PRKX: variants seen among roughly 807,000 people sequenced by gnomAD.
The protein encoded by PRKX is cAMP-dependent protein kinase catalytic subunit PRKX.
PRKX carries 12 observed loss-of-function variants against 22.0 expected under a neutral mutation model. That is an observed-to-expected ratio of 0.54 (90% CI 0.35 to 0.88). The LOEUF (loss-of-function observed/expected upper bound fraction) is 0.88. Ranked by LOEUF, PRKX falls within the 40% of genes least tolerant of loss-of-function variation. The pLI is 0.01. For synonymous variants in PRKX, 134 were observed against 137.7 expected (o/e 0.97, Z 0.19); for missense variants, 217 against 308.0 (o/e 0.70, Z 2.21).
At chrX:3,657,956 G>A (rs1232915086) in intron 2 of PRKX, among the ~76,000 whole-genome samples, 3 of 111,793 alleles carry the variant, frequency 2.7e-5, no homozygotes, top group Non-Finnish European at 5.6e-5. Flanking sequence ...GACGGGTGGG[G>A]TATGAGGCAA....
intron 4 of PRKX, among the ~76,000 whole-genome samples, chrX:3,638,468 G>T (rs747549444): frequency 1.1e-4 from 12 of 111,726 alleles, no homozygotes; most frequent in Non-Finnish European, 1.7e-4. Context: ...TGCTGCCCTC[G>T]TGTGGTCAGT....
rs1250517645 is a variant in PRKX at position 3,607,380 on chromosome X, C to T, written c.*1589G>A. 1 of 111,755 alleles carries T rather than the reference C, an allele frequency of 8.9e-6. No homozygotes were observed. The highest frequency in any genetic ancestry group is 1.9e-5 in the Non-Finnish European group (1 of 53,222). The allele number at this position is 111,755 out of a possible 1,213,427, so 9.2% of individuals were successfully genotyped here. Reference sequence around the variant, plus strand: ...GAAGTCAGCACCAGTTTCACCTTTTCACATTCACGGTAAAACTGATGGGAA... The same window carrying T: ...GAAGTCAGCACCAGTTTCACCTTTTTACATTCACGGTAAAACTGATGGGAA... On this transcript the variant is annotated 3_prime_UTR_variant, in exon 9 of 9. Transcript: ENST00000262848.
chrX:3,678,922 C>T (rs992905486), intron 1 of PRKX, among the ~76,000 whole-genome samples: 26 of 111,557 alleles, frequency 2.3e-4, no homozygotes, highest in Admixed American at 1.9e-3. Flanking sequence ...TCAAGTGTTT[C>T]TAGGCAGGTC....
chrX:3,693,086 GAAC>G (rs756926089), intron 1 of PRKX, among the ~76,000 whole-genome samples: 2 of 110,618 alleles, frequency 1.8e-5, no homozygotes, highest in South Asian at 8.2e-4. Context: ...AAACTGCAAT[GAAC>G]AACACAAGGT....
At chrX:3,622,911 C>T (rs914531898) in intron 5 of PRKX, among the ~76,000 whole-genome samples, 6 of 112,139 alleles carry the variant, frequency 5.4e-5, no homozygotes, top group Admixed American at 1.9e-4. Flanking sequence ...TCGTCCCCCA[C>T]GTGATTTACA....
rs372156951 is a variant in PRKX at position 3,631,971 on chromosome X, T to C, written c.720-5457A>G. Among the ~76,000 whole-genome samples the C allele has an allele frequency of 5.4e-5, 6 of 111,951 alleles. No homozygotes were observed. The East Asian group carries it at 8.4e-4, about 16-fold the overall frequency. ...ACATTCATACGTAGAACTACACACATGAACTGTCCAATACACTGCAGTGGA... is the reference window on the plus strand; with the variant it reads ...ACATTCATACGTAGAACTACACACACGAACTGTCCAATACACTGCAGTGGA... On this transcript the variant is annotated intron_variant, in intron 4 of 8. Coordinates refer to ENST00000262848, the MANE Select transcript of PRKX (RefSeq NM_005044.5).
intron 3 of PRKX, among the ~76,000 whole-genome samples, chrX:3,645,594 C>T (rs765770706): frequency 1.6e-4 from 18 of 112,141 alleles, no homozygotes; most frequent in Non-Finnish European, 9.4e-5. Flanking sequence ...GATGGTTGCA[C>T]GACATGGTAA....
At chrX:3,682,144 G>A (rs1399332461) in intron 1 of PRKX, among the ~76,000 whole-genome samples, 1 of 110,397 alleles carries the variant, frequency 9.1e-6, no homozygotes, top group Non-Finnish European at 1.9e-5. Context: ...GGAAGGTGAC[G>A]GGAGAAGGAC....
At chrX:3,680,510 G>A (rs1369776719) in intron 1 of PRKX, among the ~76,000 whole-genome samples, 1 of 111,410 alleles carries the variant, frequency 9.0e-6, no homozygotes, top group Non-Finnish European at 1.9e-5. Flanking sequence ...TCCCAATAAA[G>A]AGCAAACATC....
chrX:3,623,530 G>T (rs12387872), intron 5 of PRKX, among the ~76,000 whole-genome samples: 49,584 of 109,698 alleles, frequency 0.45, 9,932 homozygotes, highest in African/African-American at 0.79. Context: ...CACTCCAGCC[G>T]GGGTGACAGA....
chrX:3,712,035 T>G (rs1928801482), intron 1 of PRKX, among the ~76,000 whole-genome samples: 2 of 111,682 alleles, frequency 1.8e-5, no homozygotes, highest in African/African-American at 6.5e-5. Context: ...CTAAGTCCCC[T>G]CTTCCTCAGC....
rs1056324695 is a variant in PRKX, at chrX:3,713,518, C to T, written c.-265G>A. Reference sequence around the variant, plus strand: ...GCGGGCACCGAGTGCGGGACGACTGCGGGGAAGGCGGGGGCCGCGGCCCGG... The same window carrying T: ...GCGGGCACCGAGTGCGGGACGACTGTGGGGAAGGCGGGGGCCGCGGCCCGG... On this transcript the variant is annotated 5_prime_UTR_variant, in exon 1 of 9. Coordinates refer to ENST00000262848, the MANE Select transcript of PRKX (RefSeq NM_005044.5). The T allele has an allele frequency of 1.1e-4, 24 of 210,693 alleles. No individual in the cohort carries two copies. Among genetic ancestry groups the T allele is most frequent in the Non-Finnish European group, 1.8e-4 (21 of 116,586 alleles). 17.4% of individuals were successfully genotyped at this position (210,693 alleles called of 1,213,427 possible).
intron 1 of PRKX, among the ~76,000 whole-genome samples, chrX:3,690,860 T>C (rs1928309909): frequency 8.9e-6 from 1 of 112,839 alleles, no homozygotes; most frequent in African/African-American, 3.2e-5. Context: ...GCTCAGTGTA[T>C]TTATACAAGC....
intron 4 of PRKX, among the ~76,000 whole-genome samples, chrX:3,630,028 A>G (rs774529133): frequency 8.9e-6 from 1 of 112,288 alleles, no homozygotes; most frequent in African/African-American, 3.2e-5. Flanking sequence ...CATGTGTAAA[A>G]ACAAGATTGT....
intron 4 of PRKX, among the ~76,000 whole-genome samples, chrX:3,628,514 T>A (rs1311265033): frequency 9.0e-6 from 1 of 111,723 alleles, no homozygotes; most frequent in East Asian, 2.8e-4. Flanking sequence ...ATATGTACAA[T>A]TATTATGTGT....
chrX:3,613,150 C>CAAAAAAAAAAAAAAAAAAA lies in PRKX; in HGVS notation c.952-844_952-826dup, dbSNP rs528688936. ...TGGGCAACGGAGCAAGACTTCGTCT[C>CAAAAAAAAAAAAAAAAAAA]AAAAAAAAAAAAAAAAAAAAAAAAA... On this transcript the variant is annotated intron_variant, in intron 7 of 8. Transcript: ENST00000262848. 9.2e-4 allele frequency among the ~76,000 whole-genome samples: 50 copies of CAAAAAAAAAAAAAAAAAAA among 54,316 alleles called. 4 individuals carry two copies. Among genetic ancestry groups the CAAAAAAAAAAAAAAAAAAA allele is most frequent in the Non-Finnish European group, 1.5e-3 (41 of 26,551 alleles). The allele number at this position is 54,316 out of a possible 115,157, so 47.2% of individuals were successfully genotyped here.
chrX:3,692,376 T>C (rs1357260968), intron 1 of PRKX, among the ~76,000 whole-genome samples: 1 of 110,132 alleles, frequency 9.1e-6, no homozygotes, highest in Non-Finnish European at 1.9e-5. Flanking sequence ...CGGCCCCCAG[T>C]TGAGACCCCC....
At chrX:3,654,781 ATTTAAT>A (rs1927443909) in intron 3 of PRKX, among the ~76,000 whole-genome samples, 1 of 110,693 alleles carries the variant, frequency 9.0e-6, no homozygotes, top group Non-Finnish European at 1.9e-5. Context: ...AGCACCTGGC[ATTTAAT>A]TTTAAGAGAT....
At chrX:3,640,782 A>G (rs1421549955) in intron 4 of PRKX, among the ~76,000 whole-genome samples, 1 of 112,038 alleles carries the variant, frequency 8.9e-6, no homozygotes, top group East Asian at 2.8e-4. Flanking sequence ...TACAGGTCAC[A>G]AAGACCCTGC....
Sources: gnomAD v4.1 joint callset for allele counts (sites outside exome capture counted in the v4.1 genomes callset) on GRCh38, gnomAD v4.1.1 for gene constraint, MANE v1.5 for transcripts, NCBI Gene and HGNC (gene_info 2026-07-23, HGNC 2026-07-21) for gene names.